Variants in CYRIB observed in about 807,000 individuals in gnomAD.
The protein encoded by CYRIB is CYFIP related Rac1 interactor B, also known as CYFIP-related Rac1 interactor B.
CYRIB carries 8 observed loss-of-function variants against 44.2 expected under a neutral mutation model. The observed-to-expected ratio is 0.18, with a 90% CI of 0.11 to 0.33. CYRIB has a LOEUF of 0.33. Among genes scored for constraint, CYRIB ranks in the 10% least tolerant of loss-of-function variants. CYRIB has a pLI of 1.00. For missense variants in CYRIB, 185 were observed against 382.8 expected, an observed-to-expected ratio of 0.48 and a Z score of 4.31; for synonymous variants, 131 against 127.2, an observed-to-expected ratio of 1.03 and a Z score of -0.20.
exon 12 of CYRIB, chr8:129,841,077 A>G (rs920159059): frequency 1.3e-5 from 2 of 152,112 alleles, no homozygotes; most frequent in Non-Finnish European, 2.9e-5. Context: ...CACTAGTGAG[A>G]TCATGGCCTC....
At chr8:129,841,102 G>C (rs1204804044) in exon 12 of CYRIB, 2 of 151,984 alleles carry the variant, frequency 1.3e-5, no homozygotes, top group Admixed American at 1.3e-4. Context: ...TTTCTCCTGG[G>C]AAGTCCCTCT....
chr8:129,860,720 T>C (rs533038043), intron 5 of CYRIB, among the ~76,000 whole-genome samples: 1 of 152,036 alleles, frequency 6.6e-6, no homozygotes, highest in South Asian at 2.1e-4. Flanking sequence ...AATATAAATA[T>C]AGTAAGATAT....
intron 3 of CYRIB, among the ~76,000 whole-genome samples, chr8:129,877,019 T>C (rs535122830): frequency 3.9e-5 from 6 of 152,326 alleles, no homozygotes; most frequent in East Asian, 3.9e-4. Flanking sequence ...AAGGTCACCA[T>C]AGTAGCTTAT....
chr8:129,979,399 T>A (rs1231891304), intron 1 of CYRIB, among the ~76,000 whole-genome samples: 1 of 152,148 alleles, frequency 6.6e-6, no homozygotes, highest in Non-Finnish European at 1.5e-5. Context: ...TATGAAGGAA[T>A]AAAGCCTATT....
chr8:129,963,182 G>A (rs150375238), intron 2 of CYRIB, among the ~76,000 whole-genome samples: 60 of 152,330 alleles, frequency 3.9e-4, no homozygotes, highest in Non-Finnish European at 6.2e-4. Context: ...CAGCGTTAAA[G>A]ATGGTGAAAA....
intron 6 of CYRIB, among the ~76,000 whole-genome samples, 180 bp downstream of exon 8, chr8:129,855,431 T>C (rs963430712): frequency 6.6e-6 from 1 of 152,142 alleles, no homozygotes; most frequent in Non-Finnish European, 1.5e-5. Context: ...ACTCAGTAAT[T>C]TGCTCTTTGC....
At chr8:129,978,622 A>G (rs1205552322) in intron 1 of CYRIB, among the ~76,000 whole-genome samples, 1 of 152,186 alleles carries the variant, frequency 6.6e-6, no homozygotes, top group African/African-American at 2.4e-5. Flanking sequence ...ATGTCCTTTT[A>G]TATTAGCCAG....
At chr8:129,921,476 T>C (rs2083540603) in intron 1 of CYRIB, among the ~76,000 whole-genome samples, 1 of 152,194 alleles carries the variant, frequency 6.6e-6, no homozygotes, top group Admixed American at 6.6e-5. Context: ...CGAGACCTTT[T>C]ACAAGGTCTC....
At chr8:129,852,115 C>A in intron 8 of CYRIB, 47 bp downstream of exon 10, 1 of 1,180,572 alleles carries the variant, frequency 8.5e-7, no homozygotes, top group Non-Finnish European at 1.2e-6. Context: ...CGTCTGCCAA[C>A]AGGGGCATAA....
At chr8:129,858,518 C>T (rs1037993500) in intron 5 of CYRIB, among the ~76,000 whole-genome samples, 1 of 152,136 alleles carries the variant, frequency 6.6e-6, no homozygotes, top group South Asian at 2.1e-4. Context: ...GGGAGAGTTT[C>T]CCTATAGAGA....
intron 1 of CYRIB, among the ~76,000 whole-genome samples, chr8:129,912,134 A>G (rs925475505): frequency 3.3e-5 from 5 of 152,226 alleles, no homozygotes; most frequent in Non-Finnish European, 7.3e-5. Flanking sequence ...ATTTACACAC[A>G]TAATTTTAAA....
intron 7 of CYRIB, among the ~76,000 whole-genome samples, chr8:129,853,529 ACTAT>A (rs1425675816): frequency 6.6e-6 from 1 of 152,208 alleles, no homozygotes; most frequent in African/African-American, 2.4e-5. Context: ...TCTCTATTAA[ACTAT>A]CTATTTGAAA....
rs1036569006 is a variant in CYRIB, at chr8:129,849,465, T to C, written c.714-96A>G. On this transcript the variant is annotated intron_variant, in intron 9 of 11. Transcript: ENST00000519824. ...GAAAAACCTCTTCTGAAATATTTTA[T>C]TCAAATTTCTATCCATTAGTTGAAT... The C allele has an allele frequency of 3.2e-6, 4 of 1,238,518 alleles. No individual in the cohort carries two copies. The Admixed American group carries it at 1.2e-4, about 36-fold the overall frequency. 76.7% of individuals were successfully genotyped at this position (1,238,518 alleles called of 1,614,324 possible). A position where few individuals can be genotyped will look rare whatever the true frequency, so the allele number is the denominator to read the frequency against.
At chr8:129,992,351 A>G (rs1395797243) in intron 1 of CYRIB, among the ~76,000 whole-genome samples, 2 of 152,234 alleles carry the variant, frequency 1.3e-5, no homozygotes, top group African/African-American at 4.8e-5. Flanking sequence ...ATACAATCTG[A>G]AAATGAATTG....
intron 2 of CYRIB, among the ~76,000 whole-genome samples, chr8:129,955,029 G>A (rs897734429): frequency 6.6e-6 from 1 of 152,110 alleles, no homozygotes; most frequent in African/African-American, 2.4e-5. Flanking sequence ...TGAGGCAGGC[G>A]GATCACTTGA....
intron 1 of CYRIB, among the ~76,000 whole-genome samples, chr8:129,982,456 G>A (rs1468295945): frequency 6.6e-6 from 1 of 152,198 alleles, no homozygotes; most frequent in Non-Finnish European, 1.5e-5. Context: ...TACTCTGTTG[G>A]ACAATTCGAT....
intron 3 of CYRIB, among the ~76,000 whole-genome samples, chr8:129,874,155 TA>T (rs751067645): frequency 6.6e-6 from 1 of 150,856 alleles, no homozygotes; most frequent in African/African-American, 2.4e-5. Flanking sequence ...CTTTACTATT[TA>T]AAAAAAAAGT....
chr8:129,995,887 G>A (rs1564708919), intron 1 of CYRIB, among the ~76,000 whole-genome samples: 3 of 152,334 alleles, frequency 2.0e-5, no homozygotes, highest in South Asian at 4.1e-4. Context: ...TGTCAACATG[G>A]TAGATGGCAA....
rs545686883 is a variant in CYRIB, at chr8:129,869,529, A to AT, written c.195+1845dup. Among the ~76,000 whole-genome samples, 21 of 152,332 alleles carry AT rather than the reference A, an allele frequency of 1.4e-4. No homozygotes were observed. In the East Asian group the frequency reaches 4.0e-3, roughly 29 times the overall value. ...CAATTTAAACTAATTTGTAGCACTG[A>AT]TAACCATCATAAAAAATTTTACCAA... On this transcript the variant is annotated intron_variant, in intron 4 of 11. Coordinates refer to ENST00000519824, the Ensembl canonical transcript of CYRIB.
Sources: gnomAD v4.1 joint callset for allele counts (sites outside exome capture counted in the v4.1 genomes callset) on GRCh38, gnomAD v4.1.1 for gene constraint, MANE v1.5 for transcripts, NCBI Gene and HGNC (gene_info 2026-07-23, HGNC 2026-07-21) for gene names.